The following TECPR2 variants were observed in gnomAD, a reference collection of about 807,000 sequenced individuals.
TECPR2 encodes the protein tectonin beta-propeller repeat-containing protein 2.
TECPR2 carries 65 observed loss-of-function variants against 138.1 expected under a neutral mutation model. That is an observed-to-expected ratio of 0.47 (90% CI 0.39 to 0.58). TECPR2 has a LOEUF of 0.58. TECPR2 is among the 20% of genes least tolerant of loss of function. TECPR2 has a pLI of 0.00. For synonymous variants in TECPR2, 746 were observed against 749.8 expected (o/e 0.99, Z 0.08); for missense variants, 1,553 against 1,824.5 (o/e 0.85, Z 2.71).
At chr14:102,417,857 G>T (rs1460529435) in intron 5 of TECPR2, among the ~76,000 whole-genome samples, 2 of 150,526 alleles carry the variant, frequency 1.3e-5, no homozygotes, top group Non-Finnish European at 3.0e-5. Context: ...TGCCACGGGA[G>T]TCCAGGGGAG....
At position 102,419,210 on chromosome 14, in the gene TECPR2, C is replaced by T. The variant is rs1009522903; in HGVS notation, c.638+4417C>T. 6.6e-6 allele frequency among the ~76,000 whole-genome samples: 1 copy of T among 151,978 alleles called. No homozygotes were observed. The highest frequency in any genetic ancestry group is 2.4e-5 in the African/African-American group (1 of 41,372). ...GAGGGACATAGCAGCTGCTGCGAGA[C>T]CGGGGGCTGAGGCAGCTTCGACGGG... On this transcript the variant is annotated intron_variant, in intron 5 of 19. Coordinates refer to ENST00000359520, the MANE Select transcript of TECPR2 (RefSeq NM_014844.5). This position sits in a 1 kb window ranked among gnomAD's most constrained non-coding sequence, Gnocchi z 4.8.
chr14:102,431,793 T>C lies in TECPR2; in HGVS notation c.1085-3T>C, dbSNP rs1889498372. 4 of 1,544,040 alleles carry C rather than the reference T, an allele frequency of 2.6e-6. No individual in the cohort carries two copies. The highest frequency in any genetic ancestry group is 2.8e-5 in the African/African-American group (2 of 72,540). On this transcript the variant is annotated splice_region_variant and splice_polypyrimidine_tract_variant and intron_variant, in intron 7 of 19. Coordinates refer to ENST00000359520, the MANE Select transcript of TECPR2 (RefSeq NM_014844.5). ...GTGGTAAAACCAGACTCTTCTTTCT[T>C]AGTGAGAGATGGTCTGGAGATGTCT...
At chr14:102,380,860 A>G (rs1887788800) in intron 2 of TECPR2, among the ~76,000 whole-genome samples, 1 of 151,628 alleles carries the variant, frequency 6.6e-6, no homozygotes, top group Admixed American at 6.6e-5. Context: ...TTGTATTTTT[A>G]GTAGAGACGG....
intron 16 of TECPR2, among the ~76,000 whole-genome samples, chr14:102,454,529 G>A (rs994193260): frequency 2.6e-5 from 4 of 152,084 alleles, no homozygotes; most frequent in Non-Finnish European, 4.4e-5. Context: ...GAGAACACCC[G>A]CCTCTCCACA....
intron 4 of TECPR2, among the ~76,000 whole-genome samples, chr14:102,410,489 TAAAAAATAAAA>T (rs2139697143): frequency 8.5e-6 from 1 of 117,882 alleles, no homozygotes; most frequent in Admixed American, 7.9e-5. Context: ...AAATAAAAAA[TAAAAAATAAAA>T]AAATAAAAAC....
chr14:102,418,344 C>T (rs1889084337), intron 5 of TECPR2, among the ~76,000 whole-genome samples: 1 of 152,160 alleles, frequency 6.6e-6, no homozygotes, highest in South Asian at 2.1e-4. Context: ...GAGCTGTGTG[C>T]AGAGTAGTGA....
chr14:102,407,651 C>A (rs1888698455), intron 3 of TECPR2, among the ~76,000 whole-genome samples, 185 bp downstream of exon 3: 2 of 152,152 alleles, frequency 1.3e-5, no homozygotes, highest in Admixed American at 6.6e-5. Context: ...ATCACGAGGT[C>A]AAGAGATCAA....
chr14:102,403,459 C>G (rs1888553131), intron 2 of TECPR2, among the ~76,000 whole-genome samples: 1 of 152,190 alleles, frequency 6.6e-6, no homozygotes, highest in South Asian at 2.1e-4. Context: ...CCTCTAAGAT[C>G]AGAAACAAGG....
At chr14:102,396,807 A>T (rs1888327297) in intron 2 of TECPR2, among the ~76,000 whole-genome samples, 1 of 152,252 alleles carries the variant, frequency 6.6e-6, no homozygotes, top group African/African-American at 2.4e-5. Flanking sequence ...TGGGAGCCAG[A>T]ATAGGCAAAA....
intron 8 of TECPR2, 120 bp from the exon 9 acceptor site, chr14:102,434,115 A>T (rs1889588114): frequency 3.3e-6 from 3 of 908,196 alleles, no homozygotes; most frequent in South Asian, 1.1e-4. Flanking sequence ...TTTATTCTTC[A>T]TTCACCAAAT....
chr14:102,407,868 G>A (rs1888706439), intron 3 of TECPR2, among the ~76,000 whole-genome samples: 1 of 152,110 alleles, frequency 6.6e-6, no homozygotes, highest in African/African-American at 2.4e-5. Flanking sequence ...GTGGTGGCGG[G>A]TGCCTGTAGT....
In TECPR2 at chr14:102,437,909, AC is replaced by A. The variant is rs1889713673; in HGVS notation, c.2395-110del. 7.2e-6 allele frequency: 9 copies of A among 1,252,328 alleles called. No individual in the cohort carries two copies. In the South Asian group the frequency reaches 1.3e-4, roughly 18 times the overall value. The allele number at this position is 1,252,328 out of a possible 1,614,324, so 77.6% of individuals were successfully genotyped here. A position where few individuals can be genotyped will look rare whatever the true frequency, so the allele number is the denominator to read the frequency against. On this transcript the variant is annotated intron_variant, in intron 9 of 19. Transcript: ENST00000359520. Reference sequence around the variant, plus strand: ...GAAGGGTTGACTTGGCGTCTTGCTGACCCGTTTTACCGTCTCGTGTTAATGA... The same window carrying A: ...GAAGGGTTGACTTGGCGTCTTGCTGACCGTTTTACCGTCTCGTGTTAATGA...
rs572609303 is a variant in TECPR2 at position 102,432,105 on chromosome 14, G to GGAA, written c.1412_1414dup (p.Lys471dup). Reference sequence around the variant, plus strand: ...GTCGTGAAGCCTATCAAAGTGAAAAGGAAGAAGAAGAAGAAGAAGACAGGT... The same window carrying GGAA: ...GTCGTGAAGCCTATCAAAGTGAAAAGGAAGAAGAAGAAGAAGAAGAAGACAGGT... On this transcript the variant is annotated inframe_insertion, in exon 8 of 20. Transcript: ENST00000359520. The GGAA allele has an allele frequency of 1.1e-3, 1,772 of 1,590,754 alleles. 1 individual carries two copies. The highest frequency in any genetic ancestry group is 2.4e-3 in the East Asian group (105 of 44,396).
chr14:102,365,822 T>G (rs1390444399), intron 1 of TECPR2, among the ~76,000 whole-genome samples: 1 of 152,164 alleles, frequency 6.6e-6, no homozygotes, highest in African/African-American at 2.4e-5. Flanking sequence ...TCATAGTGTC[T>G]AATTTCCATG....
intron 6 of TECPR2, among the ~76,000 whole-genome samples, chr14:102,427,116 C>T (rs971647226): frequency 9.2e-5 from 14 of 152,064 alleles, no homozygotes; most frequent in African/African-American, 2.2e-4. Flanking sequence ...GAAGAAGCAT[C>T]GACTTAGGGG....
chr14:102,373,158 G>A (rs1477744890), intron 1 of TECPR2, among the ~76,000 whole-genome samples: 1 of 151,948 alleles, frequency 6.6e-6, no homozygotes, highest in African/African-American at 2.4e-5. Context: ...AAAAAAAAAT[G>A]GAAGTAACTA....
rs1311740916 is a variant in TECPR2, at chr14:102,425,295, A to C, written c.951+4A>C. ...TCTCCTAGACACAGTCAACCAGGTA[A>C]GTGAAGGGACGCCACCATATCTTCT... On this transcript the variant is annotated splice_donor_region_variant and intron_variant, in intron 6 of 19. Transcript: ENST00000359520. 1 of 1,574,010 alleles carries C rather than the reference A, an allele frequency of 6.4e-7. No individual in the cohort carries two copies. Among genetic ancestry groups the C allele is most frequent in the Non-Finnish European group, 8.6e-7 (1 of 1,157,966 alleles).
chr14:102,449,517 T>C (rs147194974), intron 13 of TECPR2, 112 bp from the exon 14 acceptor site: 50 of 1,493,102 alleles, frequency 3.3e-5, no homozygotes, highest in Non-Finnish European at 4.2e-5. Flanking sequence ...ATGGTCATCT[T>C]GTTACTAGAA....
intron 17 of TECPR2, among the ~76,000 whole-genome samples, chr14:102,476,002 G>A (rs1447569682): frequency 6.6e-6 from 1 of 151,958 alleles, no homozygotes; most frequent in East Asian, 1.9e-4. Context: ...ACCACCTGAG[G>A]TCAGGAGTTG....
Sources: allele counts gnomAD v4.1 joint callset (sites outside exome capture counted in the v4.1 genomes callset), GRCh38; gene constraint gnomAD v4.1.1; non-coding constraint Gnocchi (gnomAD v3.1); transcripts MANE v1.5; gene names NCBI Gene and HGNC (gene_info 2026-07-23, HGNC 2026-07-21).